SLC26A5: variants seen among roughly 807,000 people sequenced by gnomAD.
The protein encoded by SLC26A5 is prestin.
In SLC26A5, 51 loss-of-function variants were observed where a neutral mutation model predicts 81.0. The ratio of observed to expected loss-of-function variants is 0.63; its 90% confidence interval spans 0.50 to 0.80. SLC26A5 has a LOEUF of 0.80. Ranked by LOEUF, SLC26A5 falls within the 30% of genes least tolerant of loss-of-function variation. SLC26A5 has a pLI of 0.00. For synonymous variants in SLC26A5, 325 were observed against 332.8 expected, an observed-to-expected ratio of 0.98 and a Z score of 0.25; for missense variants, 771 against 905.8, an observed-to-expected ratio of 0.85 and a Z score of 1.91.
At chr7:103,426,036 G>A (rs950506159) in intron 2 of SLC26A5, among the ~76,000 whole-genome samples, 8 of 152,198 alleles carry the variant, frequency 5.3e-5, no homozygotes, top group Admixed American at 1.3e-4. Flanking sequence ...TAAATAGGGT[G>A]TAAATAAATT....
At chr7:103,378,999 G>A (rs1333025089) in intron 16 of SLC26A5, among the ~76,000 whole-genome samples, 2 of 152,024 alleles carry the variant, frequency 1.3e-5, no homozygotes, top group African/African-American at 4.8e-5. Context: ...TTATATATAC[G>A]ATAAGAGAGA....
rs1821595991 is a variant in SLC26A5 at position 103,379,259 on chromosome 7, T to C, written c.1661A>G (p.Asn554Ser). The C allele has an allele frequency of 1.9e-6, 3 of 1,609,772 alleles. No individual in the cohort carries two copies. Among genetic ancestry groups the C allele is most frequent in the African/African-American group, 2.7e-5 (2 of 74,780 alleles). ...IYYANSDLYS[N>S]ALKRKTGVNP... ...ATGACTCACCTTTCGTTTTAATGCA[T>C]TGCTATACAAGTCGCTATTTGCATA... Residue 554 changes from asparagine to serine, a missense_variant, in exon 16 of 20, where the codon AAT becomes AGT. Coordinates refer to ENST00000306312, the MANE Select transcript of SLC26A5 (RefSeq NM_198999.3).
intron 8 of SLC26A5, among the ~76,000 whole-genome samples, chr7:103,400,532 A>G (rs1228763321): frequency 6.6e-6 from 1 of 152,058 alleles, no homozygotes; most frequent in Admixed American, 6.5e-5. Flanking sequence ...GTTCACTCTG[A>G]CGGTAGTTTC....
At chr7:103,442,905 G>A (rs977190793) in intron 2 of SLC26A5, among the ~76,000 whole-genome samples, 178 bp downstream of exon 2, 2 of 152,230 alleles carry the variant, frequency 1.3e-5, no homozygotes, top group Non-Finnish European at 2.9e-5. Flanking sequence ...CCTGATCCAA[G>A]TTAAAAGGTA....
chr7:103,372,707 T>C (rs1226340451), downstream of SLC26A5, among the ~76,000 whole-genome samples: 1 of 152,174 alleles, frequency 6.6e-6, no homozygotes, highest in African/African-American at 2.4e-5. Context: ...TTAGTTTTCT[T>C]AAAAACATGG....
At chr7:103,383,184 A>C (rs1470014763) in intron 14 of SLC26A5, among the ~76,000 whole-genome samples, 1 of 152,192 alleles carries the variant, frequency 6.6e-6, no homozygotes, top group Non-Finnish European at 1.5e-5. Flanking sequence ...CTGAGTTTGC[A>C]ATTATGAGAA....
chr7:103,361,270 G>C (rs947600838), intron 19 of SLC26A5, among the ~76,000 whole-genome samples: 46 of 151,546 alleles, frequency 3.0e-4, no homozygotes, highest in Admixed American at 3.0e-3. Flanking sequence ...GATCACCTGA[G>C]GTTGGGATTT....
intron 19 of SLC26A5, among the ~76,000 whole-genome samples, chr7:103,358,834 A>G (rs1820192017): frequency 1.3e-5 from 2 of 152,180 alleles, no homozygotes; most frequent in South Asian, 4.1e-4. Context: ...TTCATAACAG[A>G]CAGACTAGCT....
At chr7:103,409,944 T>C (rs1206596752) in intron 7 of SLC26A5, among the ~76,000 whole-genome samples, 1 of 152,194 alleles carries the variant, frequency 6.6e-6, no homozygotes, top group Non-Finnish European at 1.5e-5. Flanking sequence ...CCTGACCTCG[T>C]GATCCGCCCA....
intron 2 of SLC26A5, among the ~76,000 whole-genome samples, chr7:103,432,165 T>G (rs1341651376): frequency 6.6e-6 from 1 of 151,976 alleles, no homozygotes; most frequent in Admixed American, 6.5e-5. Flanking sequence ...ATCCACCCAC[T>G]TTGGCCTTCC....
At chr7:103,398,085 AAT>A (rs1450692285) in intron 8 of SLC26A5, 71 bp from the exon 9 acceptor site, 9 of 1,153,176 alleles carry the variant, frequency 7.8e-6, no homozygotes, top group South Asian at 4.9e-5. Flanking sequence ...AGCTTCAAAT[AAT>A]ATGTTAGTCA....
chr7:103,402,146 T>A (rs1053124445), intron 8 of SLC26A5, among the ~76,000 whole-genome samples: 2 of 152,242 alleles, frequency 1.3e-5, no homozygotes, highest in Non-Finnish European at 2.9e-5. Flanking sequence ...TACCAGCTTC[T>A]CTTTGTACCT....
chr7:103,434,484 T>C (rs1826304356), intron 2 of SLC26A5, among the ~76,000 whole-genome samples: 1 of 152,048 alleles, frequency 6.6e-6, no homozygotes, highest in Non-Finnish European at 1.5e-5. Context: ...CTACAGGAAC[T>C]TTTTTTCCTA....
chr7:103,427,020 G>A (rs1364426812), intron 2 of SLC26A5, among the ~76,000 whole-genome samples: 1 of 151,780 alleles, frequency 6.6e-6, no homozygotes, highest in African/African-American at 2.4e-5. Context: ...GGTCCATTTC[G>A]CCACAGGCAG....
chr7:103,442,490 A>G (rs1258097852), intron 2 of SLC26A5, among the ~76,000 whole-genome samples: 1 of 152,140 alleles, frequency 6.6e-6, no homozygotes, highest in Non-Finnish European at 1.5e-5. Flanking sequence ...GAGGGAGGGG[A>G]CAGGTCTTTT....
chr7:103,357,981 C>T (rs1472748974), intron 19 of SLC26A5, among the ~76,000 whole-genome samples: 11 of 152,142 alleles, frequency 7.2e-5, no homozygotes, highest in Admixed American at 7.2e-4. Context: ...GTCCTTTATG[C>T]CTGTTTAATG....
intron 19 of SLC26A5, chr7:103,366,208 G>A: frequency 6.6e-7 from 1 of 1,512,110 alleles, no homozygotes; most frequent in Non-Finnish European, 9.2e-7. Flanking sequence ...TCAGTTTCAT[G>A]AAAGCTGTAA....
At chr7:103,362,606 T>G in intron 19 of SLC26A5, 1 of 1,480,586 alleles carries the variant, frequency 6.8e-7, no homozygotes, top group South Asian at 1.2e-5. Context: ...AAAGTATGGT[T>G]TTGGGGATAA....
intron 14 of SLC26A5, among the ~76,000 whole-genome samples, chr7:103,385,702 CT>C (rs1179157860): frequency 1.7e-3 from 208 of 122,622 alleles, no homozygotes; most frequent in Admixed American, 2.6e-3. Context: ...CTTTTCTTTT[CT>C]TTTTTTTTTT....
Sources: allele counts gnomAD v4.1 joint callset (sites outside exome capture counted in the v4.1 genomes callset), GRCh38; gene constraint gnomAD v4.1.1; transcripts MANE v1.5; gene names NCBI Gene and HGNC (gene_info 2026-07-23, HGNC 2026-07-21).